ADAMTS20: variants seen among roughly 807,000 people sequenced by gnomAD.
ADAMTS20 encodes A disintegrin and metalloproteinase with thrombospondin motifs 20.
Under a neutral mutation model 260.1 loss-of-function variants are expected in ADAMTS20, and 225 were observed. The observed-to-expected ratio is 0.87, with a 90% CI of 0.78 to 0.97. The LOEUF is 0.97. Among genes scored for constraint, ADAMTS20 ranks in the 50% least tolerant of loss-of-function variants. The pLI is 0.00. For missense variants in ADAMTS20, 2,400 were observed against 2,337.7 expected (o/e 1.03, Z -0.55); for synonymous variants, 802 against 769.5 (o/e 1.04, Z -0.70).
At chr12:43,385,943 G>C (rs1940463456) in intron 29 of ADAMTS20, among the ~76,000 whole-genome samples, 1 of 152,182 alleles carries the variant, frequency 6.6e-6, no homozygotes, top group Admixed American at 6.5e-5. Flanking sequence ...TATTTGCATA[G>C]AGGTGTTTAT....
At chr12:43,452,766 C>T in intron 12 of ADAMTS20, 71 bp from the exon 13 acceptor site, 1 of 1,352,958 alleles carries the variant, frequency 7.4e-7, no homozygotes, top group South Asian at 1.6e-5. Context: ...CTAAAAGTTC[C>T]ATTCTTTTCC....
In ADAMTS20 at chr12:43,428,691, C is replaced by T; in HGVS notation, c.3598G>A (p.Glu1200Lys). ...CAAGGGGTAAAACAGTCCCATATTT[C>T]AGCAGGTCGGGGTAAGTGGGCACAA... ...SYCAHLPRPA[E>K]IWDCFTPCGE... Residue 1200 changes from glutamate to lysine, a missense_variant, in exon 25 of 39, where the codon GAA becomes AAA. Transcript: ENST00000389420. 1.2e-6 allele frequency: 2 copies of T among 1,611,684 alleles called. No individual in the cohort carries two copies. The highest frequency in any genetic ancestry group is 1.7e-6 in the Non-Finnish European group (2 of 1,178,436).
intron 16 of ADAMTS20, 132 bp from the exon 17 acceptor site, chr12:43,440,201 T>C (rs1378827906): frequency 3.0e-6 from 2 of 670,824 alleles, no homozygotes; most frequent in Non-Finnish European, 4.8e-6. Flanking sequence ...TGGAGTACAG[T>C]GGCACAATAT....
chr12:43,484,125 A>G (rs969175235), intron 7 of ADAMTS20, among the ~76,000 whole-genome samples: 1 of 152,192 alleles, frequency 6.6e-6, no homozygotes, highest in South Asian at 2.1e-4. Flanking sequence ...AATAAACTAT[A>G]AACATTAAAA....
intron 16 of ADAMTS20, among the ~76,000 whole-genome samples, 189 bp downstream of exon 16, chr12:43,443,602 T>C (rs1941706651): frequency 8.9e-6 from 1 of 112,182 alleles, no homozygotes; most frequent in South Asian, 3.2e-4. Flanking sequence ...TTCATTAAGT[T>C]TTTTTTTTTT....
intron 31 of ADAMTS20, among the ~76,000 whole-genome samples, chr12:43,379,981 C>T (rs1435600572): frequency 7.7e-6 from 1 of 129,202 alleles, no homozygotes; most frequent in South Asian, 2.2e-4. Flanking sequence ...TCCAGACAGA[C>T]ATCACAAAAA....
At chr12:43,431,721 C>G (rs561953372) in intron 21 of ADAMTS20, among the ~76,000 whole-genome samples, 3 of 152,216 alleles carry the variant, frequency 2.0e-5, no homozygotes, top group Admixed American at 2.0e-4. Context: ...AACAAAGGTG[C>G]AAAACTAACC....
intron 29 of ADAMTS20, 131 bp downstream of exon 29, chr12:43,398,935 G>C (rs1243690535): frequency 2.0e-6 from 1 of 497,076 alleles, no homozygotes; most frequent in African/African-American, 2.0e-5. Flanking sequence ...CTAACTTACA[G>C]CATAGTGCAA....
intron 29 of ADAMTS20, among the ~76,000 whole-genome samples, chr12:43,389,692 TTTTTTGTTTTTG>T (rs967607133): frequency 5.3e-5 from 8 of 151,812 alleles, no homozygotes; most frequent in East Asian, 1.9e-4. Context: ...CAGCCAGGTT[TTTTTTGTTTTTG>T]TTTTTGTTTT....
intron 18 of ADAMTS20, among the ~76,000 whole-genome samples, 173 bp from the exon 19 acceptor site, chr12:43,434,544 T>C (rs1160686198): frequency 2.0e-5 from 3 of 152,068 alleles, no homozygotes; most frequent in Admixed American, 6.5e-5. Flanking sequence ...ACTTTTATAA[T>C]AAGTAAGCTG....
intron 31 of ADAMTS20, among the ~76,000 whole-genome samples, chr12:43,381,487 G>T (rs1032968820): frequency 6.6e-6 from 1 of 151,740 alleles, no homozygotes; most frequent in African/African-American, 2.4e-5. Flanking sequence ...AACTCACCCA[G>T]TGAAAAAATG....
At chr12:43,470,365 G>C (rs1014501129) in intron 7 of ADAMTS20, among the ~76,000 whole-genome samples, 2 of 152,042 alleles carry the variant, frequency 1.3e-5, no homozygotes, top group Admixed American at 1.3e-4. Context: ...ATGCTTAAAG[G>C]TATATACATT....
intron 2 of ADAMTS20, among the ~76,000 whole-genome samples, chr12:43,550,337 T>C (rs1053856943): frequency 3.3e-5 from 5 of 152,222 alleles, no homozygotes; most frequent in Non-Finnish European, 7.3e-5. Flanking sequence ...TAGATCTCTG[T>C]AGGTAGACTG....
intron 7 of ADAMTS20, among the ~76,000 whole-genome samples, chr12:43,478,631 AAG>A (rs1007421086): frequency 1.3e-5 from 2 of 152,198 alleles, no homozygotes; most frequent in African/African-American, 4.8e-5. Flanking sequence ...GATCTTATAA[AAG>A]ACAGATCACC....
At chr12:43,524,889 T>C (rs931016854) in intron 3 of ADAMTS20, among the ~76,000 whole-genome samples, 4 of 152,150 alleles carry the variant, frequency 2.6e-5, no homozygotes, top group African/African-American at 7.2e-5. Context: ...TTAGGTAAAA[T>C]AGCCAAACCT....
intron 37 of ADAMTS20, among the ~76,000 whole-genome samples, chr12:43,367,766 T>G (rs1028856150): frequency 1.3e-5 from 2 of 152,078 alleles, no homozygotes; most frequent in African/African-American, 2.4e-5. Flanking sequence ...ACAGATGACA[T>G]CACTGTGTAT....
chr12:43,516,144 G>A (rs1312234755), intron 3 of ADAMTS20, among the ~76,000 whole-genome samples: 2 of 151,404 alleles, frequency 1.3e-5, no homozygotes, highest in Non-Finnish European at 2.9e-5. Context: ...CACTATATTT[G>A]TTTCCTGTCC....
At chr12:43,523,294 G>A (rs1224776639) in intron 3 of ADAMTS20, among the ~76,000 whole-genome samples, 2 of 152,218 alleles carry the variant, frequency 1.3e-5, no homozygotes, top group Non-Finnish European at 2.9e-5. Flanking sequence ...TGCATTCCCA[G>A]TCTCCGTGCA....
intron 7 of ADAMTS20, among the ~76,000 whole-genome samples, chr12:43,476,911 G>A (rs1942363691): frequency 6.6e-6 from 1 of 150,398 alleles, no homozygotes; most frequent in African/African-American, 2.5e-5. Flanking sequence ...CGAGTTAGTG[G>A]GTGCAGCACA....
Sources: gnomAD v4.1 joint callset for allele counts (sites outside exome capture counted in the v4.1 genomes callset) on GRCh38, gnomAD v4.1.1 for gene constraint, MANE v1.5 for transcripts, NCBI Gene and HGNC (gene_info 2026-07-23, HGNC 2026-07-21) for gene names.